Variants in CALN1 observed in about 807,000 individuals in gnomAD.
CALN1 encodes the protein calcium-binding protein 8.
Under a neutral mutation model 30.6 loss-of-function variants are expected in CALN1, and 17 were observed. The observed-to-expected ratio is 0.56, with a 90% CI of 0.38 to 0.83. The LOEUF (loss-of-function observed/expected upper bound fraction) is 0.83, where lower values mean the gene tolerates loss of function less well. Ranked by LOEUF, CALN1 falls within the 40% of genes least tolerant of loss-of-function variation. The pLI, the probability that CALN1 is intolerant of heterozygous loss-of-function variation, is 0.00. For synonymous variants in CALN1, 156 were observed against 131.4 expected (o/e 1.19, Z -1.28); for missense variants, 291 against 354.9 (o/e 0.82, Z 1.45).
chr7:72,446,193 G>T (rs1324036396), intron 1 of CALN1, among the ~76,000 whole-genome samples: 1 of 152,186 alleles, frequency 6.6e-6, no homozygotes, highest in African/African-American at 2.4e-5. Context: ...CTTTGGGTAT[G>T]ACTCGGAAAG....
At chr7:72,294,808 T>C (rs545255649) in intron 2 of CALN1, among the ~76,000 whole-genome samples, 1 of 150,704 alleles carries the variant, frequency 6.6e-6, no homozygotes, top group East Asian at 2.0e-4. Flanking sequence ...GGTTGAAGTC[T>C]TTAAAGACAC....
intron 3 of CALN1, among the ~76,000 whole-genome samples, chr7:72,212,367 AT>A (rs1320090209): frequency 1.3e-5 from 2 of 149,250 alleles, no homozygotes; most frequent in African/African-American, 5.0e-5. Flanking sequence ...AAAAAAAAAA[AT>A]ACCAGAGGGG....
chr7:72,092,461 C>CT (rs1480302208), intron 4 of CALN1, among the ~76,000 whole-genome samples: 6 of 151,876 alleles, frequency 4.0e-5, no homozygotes. Flanking sequence ...CACATATATA[C>CT]ACACATTCCG....
intron 4 of CALN1, among the ~76,000 whole-genome samples, chr7:72,067,214 C>A (rs1456898677): frequency 6.6e-6 from 1 of 152,160 alleles, no homozygotes; most frequent in Non-Finnish European, 1.5e-5. Flanking sequence ...TTAGGTAGAG[C>A]CTGACATCTA....
chr7:72,118,913 CA>C (rs1808186521), intron 3 of CALN1, among the ~76,000 whole-genome samples: 1 of 152,090 alleles, frequency 6.6e-6, no homozygotes, highest in African/African-American at 2.4e-5. Context: ...ACTGCTCCTC[CA>C]AAAAAGCATG....
At chr7:72,449,199 T>C (rs918678395), upstream of CALN1, among the ~76,000 whole-genome samples, 13 of 152,160 alleles carry the variant, frequency 8.5e-5, no homozygotes, top group Non-Finnish European at 1.5e-4. Flanking sequence ...GAAGGGGATA[T>C]ATGGACTTTT....
intron 4 of CALN1, among the ~76,000 whole-genome samples, chr7:72,033,180 TA>T (rs35198885): frequency 0.36 from 54,038 of 151,808 alleles, 11,466 homozygotes; most frequent in East Asian, 0.67. Flanking sequence ...TGAGTCAAAG[TA>T]ATGAACTTGA....
intron 3 of CALN1, among the ~76,000 whole-genome samples, chr7:72,210,938 C>G (rs1218404708): frequency 6.6e-6 from 1 of 151,786 alleles, no homozygotes; most frequent in African/African-American, 2.4e-5. Context: ...GCTTGTGGTC[C>G]CAGCTACTTG....
the CALN1 span, among the ~76,000 whole-genome samples, chr7:72,499,593 G>T: frequency 6.6e-6 from 1 of 151,772 alleles, no homozygotes; most frequent in East Asian, 1.9e-4. Flanking sequence ...TGACTCACAT[G>T]CAGACTCATA....
chr7:72,371,755 A>AACT (rs1804255563), intron 2 of CALN1, among the ~76,000 whole-genome samples: 1 of 152,236 alleles, frequency 6.6e-6, no homozygotes, highest in South Asian at 2.1e-4. Context: ...TCACTGATAA[A>AACT]ACTATGCTTT....
At chr7:72,201,709 C>T (rs907981361) in intron 3 of CALN1, among the ~76,000 whole-genome samples, 5 of 144,928 alleles carry the variant, frequency 3.4e-5, no homozygotes, top group African/African-American at 1.3e-4. Flanking sequence ...ATGTAACAAA[C>T]ATACCCATGT....
Position 72,192,944 on chromosome 7 carries a change from C to G in CALN1, c.244+85742G>C, listed in dbSNP as rs2129546942. 2.0e-5 allele frequency among the ~76,000 whole-genome samples: 3 copies of G among 151,914 alleles called. No homozygotes were observed. In the East Asian group the frequency reaches 5.8e-4, roughly 30 times the overall value. On this transcript the variant is annotated intron_variant, in intron 3 of 6. Coordinates refer to ENST00000395275, the MANE Select transcript of CALN1 (RefSeq NM_031468.4). ...GGCTCACGCCTGTAATCCCAGCACT[C>G]TGGGATGCTGAAACAGGCGGATCAC...
intron 2 of CALN1, among the ~76,000 whole-genome samples, chr7:72,348,956 G>T (rs925977004): frequency 6.6e-6 from 1 of 151,656 alleles, no homozygotes; most frequent in East Asian, 1.9e-4. Context: ...AGGGGCTTTC[G>T]AGCAGCTATT....
chr7:71,991,051 G>C (rs1273924439), intron 5 of CALN1, among the ~76,000 whole-genome samples: 1 of 151,198 alleles, frequency 6.6e-6, no homozygotes, highest in East Asian at 2.1e-4. Context: ...AACAGTGAGG[G>C]GGGGGGTCGA....
intron 5 of CALN1, among the ~76,000 whole-genome samples, chr7:71,939,825 A>G (rs1196334703): frequency 6.6e-6 from 1 of 152,126 alleles, no homozygotes; most frequent in African/African-American, 2.4e-5. Context: ...GTGCATTTCT[A>G]AATTCCTCAG....
chr7:72,304,314 C>T (rs1799501694), intron 2 of CALN1, among the ~76,000 whole-genome samples: 1 of 152,088 alleles, frequency 6.6e-6, no homozygotes, highest in African/African-American at 2.4e-5. Context: ...TGGAGAGATC[C>T]CATTTCAAGT....
chr7:71,822,473 C>T (rs1363869569), intron 5 of CALN1, among the ~76,000 whole-genome samples: 4 of 152,208 alleles, frequency 2.6e-5, no homozygotes, highest in Admixed American at 2.6e-4. Context: ...GTCTCGAACT[C>T]CCGACCTCAG....
intron 2 of CALN1, among the ~76,000 whole-genome samples, chr7:72,367,051 G>A (rs2944798): frequency 0.35 from 50,453 of 145,736 alleles, 9,841 homozygotes; most frequent in Middle Eastern, 0.52. Flanking sequence ...CAAATATAAT[G>A]TTGAGTCAAA....
chr7:72,095,357 T>C (rs900180894), intron 4 of CALN1, among the ~76,000 whole-genome samples: 1 of 152,166 alleles, frequency 6.6e-6, no homozygotes, highest in Non-Finnish European at 1.5e-5. Flanking sequence ...ATTACACAAG[T>C]GTTATTTATC....
Sources: gnomAD v4.1 joint callset for allele counts (sites outside exome capture counted in the v4.1 genomes callset) on GRCh38, gnomAD v4.1.1 for gene constraint, MANE v1.5 for transcripts, NCBI Gene and HGNC (gene_info 2026-07-23, HGNC 2026-07-21) for gene names.